DNAH12: variants seen among roughly 807,000 people sequenced by gnomAD.
DNAH12 encodes the protein dynein axonemal heavy chain 12.
DNAH12 carries 285 observed loss-of-function variants against 371.5 expected under a neutral mutation model. The observed-to-expected ratio is 0.77, with a 90% confidence interval of 0.70 to 0.85. DNAH12 has a LOEUF of 0.85. DNAH12 is among the 40% of genes least tolerant of loss of function. DNAH12 has a pLI of 0.00. For missense variants in DNAH12, 3,611 were observed against 3,689.4 expected, an observed-to-expected ratio of 0.98 and a Z score of 0.55; for synonymous variants, 1,200 against 1,213.0, an observed-to-expected ratio of 0.99 and a Z score of 0.22.
At chr3:57,520,471 C>T (rs1402857768) in intron 4 of DNAH12, among the ~76,000 whole-genome samples, 30 of 140,290 alleles carry the variant, frequency 2.1e-4, no homozygotes, top group South Asian at 4.5e-4. Flanking sequence ...GAGACGGAGT[C>T]TTGCTCTGTC....
At chr3:57,363,184 T>A (rs1261318145) in intron 58 of DNAH12, among the ~76,000 whole-genome samples, 17 of 152,122 alleles carry the variant, frequency 1.1e-4, no homozygotes, top group Non-Finnish European at 2.5e-4. Flanking sequence ...GGGAAAGGAT[T>A]CCCTATTTAA....
chr3:57,446,658 G>T lies in DNAH12; in HGVS notation c.3818C>A (p.Ala1273Asp), dbSNP rs954969854. The change falls in exon 26 of 74, where the codon GCT becomes GAT. Residue 1273 changes from alanine (A) to aspartate (D), a missense_variant. By Grantham distance (126) the Ala-to-Asp change is moderately radical. Coordinates refer to ENST00000495027, the MANE Select transcript of DNAH12 (RefSeq NM_001366028.2). ...IGAFYLNLGG[A>D]PEGPAGTGKT... is the part of the protein sequence containing the mutation. ...TCCTGTGCCTGCTGGCCCCTCTGGAGCACCTCCAAGGTTTAAATAGAAAGC... is the reference window on the plus strand; with the variant it reads ...TCCTGTGCCTGCTGGCCCCTCTGGATCACCTCCAAGGTTTAAATAGAAAGC... The T allele has an allele frequency of 2.8e-5, 44 of 1,543,936 alleles. No individual in the cohort carries two copies. The highest frequency in any genetic ancestry group is 3.8e-5 in the Non-Finnish European group (44 of 1,143,644).
At chr3:57,550,271 A>G in the DNAH12 span, among the ~76,000 whole-genome samples, 157 of 152,240 alleles carry the variant, frequency 1.0e-3, 1 homozygote, top group African/African-American at 3.6e-3. Flanking sequence ...AACTATGACG[A>G]CACCACCATA....
chr3:57,305,936 T>C (rs2061460549), intron 69 of DNAH12, among the ~76,000 whole-genome samples: 1 of 152,086 alleles, frequency 6.6e-6, no homozygotes, highest in Non-Finnish European at 1.5e-5. Flanking sequence ...CAGAACCTCC[T>C]CCCCCAGGAG....
intron 43 of DNAH12, among the ~76,000 whole-genome samples, chr3:57,400,461 TG>T (rs1355009169): frequency 4.6e-5 from 7 of 152,168 alleles, no homozygotes; most frequent in African/African-American, 1.4e-4. Flanking sequence ...CCCTTATCCA[TG>T]GGGGATACAT....
intron 2 of DNAH12, among the ~76,000 whole-genome samples, chr3:57,534,262 C>G (rs1575746275): frequency 6.6e-6 from 1 of 152,186 alleles, no homozygotes; most frequent in African/African-American, 2.4e-5. Context: ...ATCAGCAATT[C>G]AAGACTCTTT....
At chr3:57,521,625 GCCTGTAAT>G (rs1387477198) in intron 4 of DNAH12, among the ~76,000 whole-genome samples, 1 of 152,198 alleles carries the variant, frequency 6.6e-6, no homozygotes, top group Non-Finnish European at 1.5e-5. Context: ...CGGTGGCTCC[GCCTGTAAT>G]CCCAGCACTT....
intron 25 of DNAH12, among the ~76,000 whole-genome samples, chr3:57,451,987 T>C (rs1188426570): frequency 6.6e-6 from 1 of 152,184 alleles, no homozygotes; most frequent in Non-Finnish European, 1.5e-5. Flanking sequence ...AGTCACTCAC[T>C]TGGGCCTCCT....
chr3:57,449,644 G>A lies in DNAH12; in HGVS notation c.3787-2955C>T, dbSNP rs192412307. 3.6e-3 allele frequency among the ~76,000 whole-genome samples: 553 copies of A among 152,272 alleles called. 2 individuals are homozygous for A. The highest frequency in any genetic ancestry group is 0.012 in the African/African-American group (496 of 41,574). On this transcript the variant is annotated intron_variant, in intron 25 of 73. Coordinates refer to ENST00000495027, the MANE Select transcript of DNAH12 (RefSeq NM_001366028.2). ...AGGGCTGGCCGGCTGCTCAGAGTGC[G>A]GGGCCCGCCAAGCCCACGCCCACCT...
chr3:57,536,763 T>C (rs2069062369), intron 2 of DNAH12, among the ~76,000 whole-genome samples: 1 of 152,206 alleles, frequency 6.6e-6, no homozygotes, highest in African/African-American at 2.4e-5. Flanking sequence ...AACATAAATA[T>C]GCCTGACTTC....
chr3:57,452,907 T>G lies in DNAH12; in HGVS notation c.3722A>C (p.Glu1241Ala). The G allele has an allele frequency of 6.4e-7, 1 of 1,551,350 alleles. No individual in the cohort carries two copies. The highest frequency in any genetic ancestry group is 8.7e-7 in the Non-Finnish European group (1 of 1,146,912). ...IINCNVKYAY[E>A]YLGNSPRLVI... The stretch of plus-strand genomic sequence containing the variant: ...AAGTCGAGGTGAGTTACCAAGATAT[T>G]CATAAGCATATTTTACATTGCAATT... Residue 1241 changes from glutamate (E) to alanine (A), a missense_variant, in exon 25 of 74, where the codon GAA (glutamate) becomes GCA (alanine). By Grantham distance (107) the Glu-to-Ala change is moderately radical. Transcript: ENST00000495027.
chr3:57,390,044 C>A (rs951853597), intron 45 of DNAH12, among the ~76,000 whole-genome samples: 24 of 149,216 alleles, frequency 1.6e-4, no homozygotes, highest in Non-Finnish European at 3.4e-4. Flanking sequence ...CCATGTTGGC[C>A]AGGATGCTCT....
At chr3:57,377,602 T>G (rs1271464409) in intron 52 of DNAH12, among the ~76,000 whole-genome samples, 1 of 148,574 alleles carries the variant, frequency 6.7e-6, no homozygotes, top group African/African-American at 2.5e-5. Context: ...GTTTTGGGTG[T>G]TTTTTTTTTC....
intron 11 of DNAH12, among the ~76,000 whole-genome samples, chr3:57,494,368 C>T (rs1259152565): frequency 6.6e-6 from 1 of 152,024 alleles, no homozygotes; most frequent in African/African-American, 2.4e-5. Flanking sequence ...ACCTGGGCAA[C>T]ATAGTGAGAC....
Position 57,470,572 on chromosome 3 carries a change from A to AGTGCTTCTT in DNAH12, c.1975_1976insAAGAAGCAC (p.Ile659delinsLysGluAlaLeu). 6.5e-7 allele frequency: 1 copy of AGTGCTTCTT among 1,550,146 alleles called. No individual in the cohort carries two copies. Among genetic ancestry groups the AGTGCTTCTT allele is most frequent in the South Asian group, 1.2e-5 (1 of 83,434 alleles). ...CTTGAAAAGTTCCTCTTCTTTATTAATAAACTGCACTGCTTCTTCAGATTC... is the reference window on the plus strand; with the variant it reads ...CTTGAAAAGTTCCTCTTCTTTATTAAGTGCTTCTTTAAACTGCACTGCTTCTTCAGATTC... On this transcript the variant is annotated protein_altering_variant, in exon 16 of 74. Transcript: ENST00000495027.
intron 2 of DNAH12, among the ~76,000 whole-genome samples, chr3:57,532,873 C>T (rs778568079): frequency 1.3e-5 from 2 of 152,210 alleles, no homozygotes; most frequent in Non-Finnish European, 2.9e-5. Flanking sequence ...TAGGTCTCTA[C>T]AATCAGCAGG....
At chr3:57,294,115 A>AT (rs1460169527) in intron 73 of DNAH12, 144 bp from the exon 74 acceptor site, 12 of 605,066 alleles carry the variant, frequency 2.0e-5, no homozygotes, top group Admixed American at 1.1e-4. Context: ...CAGCATATAT[A>AT]TTTTTTTACA....
chr3:57,301,606 A>G (rs2061346784), intron 70 of DNAH12, 129 bp downstream of exon 70: 4 of 1,053,240 alleles, frequency 3.8e-6, no homozygotes, highest in South Asian at 1.7e-5. Flanking sequence ...AACAACTAAT[A>G]TCTCCCCAGT....
intron 57 of DNAH12, among the ~76,000 whole-genome samples, chr3:57,364,941 C>T (rs1575506942): frequency 6.6e-6 from 1 of 152,084 alleles, no homozygotes; most frequent in Non-Finnish European, 1.5e-5. Flanking sequence ...GTCAGAATGA[C>T]GATTATTAAA....
Sources: gnomAD v4.1 joint callset for allele counts (sites outside exome capture counted in the v4.1 genomes callset) on GRCh38, gnomAD v4.1.1 for gene constraint, MANE v1.5 for transcripts, NCBI Gene and HGNC (gene_info 2026-07-23, HGNC 2026-07-21) for gene names.